Variants in WFDC1 observed in about 807,000 individuals in gnomAD.
The protein encoded by WFDC1 is WAP four-disulfide core domain protein 1.
A neutral mutation model predicts 32.9 loss-of-function variants in WFDC1; 39 were observed. The ratio of observed to expected loss-of-function variants is 1.19; its 90% CI spans 0.92 to 1.55. WFDC1 has a LOEUF of 1.55. Among genes scored for constraint, WFDC1 ranks in the 40% most tolerant of loss-of-function variants. The pLI is 0.00. For synonymous variants in WFDC1, 184 were observed against 137.4 expected, an observed-to-expected ratio of 1.34 and a Z score of -2.37; for missense variants, 386 against 309.5, an observed-to-expected ratio of 1.25 and a Z score of -1.85.
At chr16:84,313,479 G>A (rs1465774761) in intron 2 of WFDC1, among the ~76,000 whole-genome samples, 3 of 152,190 alleles carry the variant, frequency 2.0e-5, no homozygotes, top group African/African-American at 7.2e-5. Context: ...ACCCATTCCC[G>A]GGAAAATGCC....
intron 5 of WFDC1, among the ~76,000 whole-genome samples, chr16:84,324,775 T>C (rs940869881): frequency 3.3e-5 from 5 of 152,104 alleles, no homozygotes; most frequent in African/African-American, 1.2e-4. Flanking sequence ...CATCTAATCA[T>C]CCATTGATCC....
intron 1 of WFDC1, among the ~76,000 whole-genome samples, chr16:84,302,783 G>A (rs1337025568): frequency 6.6e-6 from 1 of 152,178 alleles, no homozygotes; most frequent in African/African-American, 2.4e-5. Flanking sequence ...GCCACGTGAA[G>A]TCAGGGCCAA....
At chr16:84,295,213 T>A in intron 1 of WFDC1, 98 bp downstream of exon 1, 3 of 1,497,076 alleles carry the variant, frequency 2.0e-6, no homozygotes, top group Non-Finnish European at 2.7e-6. Flanking sequence ...CTGTAAGTGC[T>A]CCCCCAAAAC....
At chr16:84,326,119 A>G (rs981837326) in intron 5 of WFDC1, 3 of 150,700 alleles carry the variant, frequency 2.0e-5, no homozygotes, top group South Asian at 2.1e-4. Context: ...CCATCCATCC[A>G]TCCATCCATC....
At chr16:84,324,690 C>G (rs1254054187) in intron 5 of WFDC1, among the ~76,000 whole-genome samples, 19 of 152,336 alleles carry the variant, frequency 1.2e-4, no homozygotes, top group Non-Finnish European at 1.9e-4. Context: ...GAGCCTGGAA[C>G]TGCTCATATT....
chr16:84,328,656 G>A (rs920739144), intron 6 of WFDC1: 1 of 152,248 alleles, frequency 6.6e-6, no homozygotes, highest in African/African-American at 2.4e-5. Context: ...TGGAAGTTGA[G>A]GCTTTTGGGT....
intron 1 of WFDC1, chr16:84,296,873 T>A (rs944272985): frequency 6.6e-6 from 1 of 152,144 alleles, no homozygotes; most frequent in African/African-American, 2.4e-5. Flanking sequence ...GTGGTGCATC[T>A]AAGAGCTGCT....
chr16:84,322,808 T>C (rs1178655706), intron 4 of WFDC1, among the ~76,000 whole-genome samples: 1 of 152,166 alleles, frequency 6.6e-6, no homozygotes, highest in Non-Finnish European at 1.5e-5. Flanking sequence ...AATCGGTGCA[T>C]TTTTCTGAGT....
chr16:84,300,341 C>G (rs1437395483), intron 1 of WFDC1, among the ~76,000 whole-genome samples: 1 of 152,226 alleles, frequency 6.6e-6, no homozygotes, highest in Admixed American at 6.5e-5. Flanking sequence ...CACGGTTTCT[C>G]CAAGGTCCAC....
At chr16:84,300,334 G>A (rs1179765823) in intron 1 of WFDC1, among the ~76,000 whole-genome samples, 1 of 152,216 alleles carries the variant, frequency 6.6e-6, no homozygotes, top group Non-Finnish European at 1.5e-5. Context: ...TGTTCCACAC[G>A]GTTTCTCCAA....
intron 5 of WFDC1, among the ~76,000 whole-genome samples, chr16:84,325,354 C>A (rs1267632452): frequency 1.3e-5 from 2 of 152,112 alleles, no homozygotes; most frequent in East Asian, 1.9e-4. Context: ...AGGTGTCCGC[C>A]ACCATACCTG....
At chr16:84,311,081 C>T (rs381107) in intron 1 of WFDC1, among the ~76,000 whole-genome samples, 106,040 of 151,994 alleles carry the variant, frequency 0.7, 37,312 homozygotes, top group East Asian at 0.98. Flanking sequence ...TCACCACGCA[C>T]CCCATTTTCA....
intron 1 of WFDC1, among the ~76,000 whole-genome samples, chr16:84,302,536 C>T (rs244837): frequency 0.15 from 23,481 of 151,910 alleles, 2,501 homozygotes; most frequent in East Asian, 0.44. Context: ...GCTCGTGGGT[C>T]ATCGTAGCTT....
At chr16:84,319,355 C>G (rs1335567735) in intron 3 of WFDC1, 76 bp from the exon 4 acceptor site, 1 of 1,558,698 alleles carries the variant, frequency 6.4e-7, no homozygotes, top group East Asian at 2.3e-5. Flanking sequence ...TCCCGGGAGT[C>G]TGCCTTCTAG....
At chr16:84,316,019 A>G (rs1482902904) in intron 2 of WFDC1, 1 of 152,266 alleles carries the variant, frequency 6.6e-6, no homozygotes, top group African/African-American at 2.4e-5. Flanking sequence ...ACATTTGCTT[A>G]TTTCCCTGCT....
chr16:84,300,376 C>G (rs1424472501), intron 1 of WFDC1, among the ~76,000 whole-genome samples: 5 of 152,266 alleles, frequency 3.3e-5, no homozygotes. Flanking sequence ...AGTGCCCAGG[C>G]AGCCACCTGC....
At chr16:84,309,040 A>G (rs1907450918) in intron 1 of WFDC1, among the ~76,000 whole-genome samples, 1 of 152,168 alleles carries the variant, frequency 6.6e-6, no homozygotes, top group Admixed American at 6.5e-5. Context: ...GGCAGAGAGG[A>G]TTTAAGCCCT....
intron 1 of WFDC1, among the ~76,000 whole-genome samples, chr16:84,308,284 G>A (rs943939490): frequency 7.9e-5 from 12 of 152,124 alleles, no homozygotes; most frequent in Admixed American, 5.9e-4. Flanking sequence ...AGGGGCACCC[G>A]GCCCGGACCT....
chr16:84,318,374 C>A lies in WFDC1; in HGVS notation c.421+19C>A. The A allele has an allele frequency of 6.2e-7, 1 of 1,612,356 alleles. No homozygotes were observed. The highest frequency in any genetic ancestry group is 1.1e-5 in the South Asian group (1 of 91,004). ...TTACAAGGTACCTGCCGGGTAAAGC[C>A]CAGACCCTACATCCAAGCCTCGATC... On this transcript the variant is annotated intron_variant, in intron 3 of 6. Transcript: ENST00000219454.
Sources: gnomAD v4.1 joint callset for allele counts (sites outside exome capture counted in the v4.1 genomes callset) on GRCh38, gnomAD v4.1.1 for gene constraint, MANE v1.5 for transcripts, NCBI Gene and HGNC (gene_info 2026-07-23, HGNC 2026-07-21) for gene names.